Variants in PTGER3 observed in about 807,000 individuals in gnomAD.
The protein encoded by PTGER3 is prostaglandin E2 receptor EP3 subtype.
PTGER3 carries 22 observed loss-of-function variants against 34.7 expected under a neutral mutation model. The observed-to-expected ratio is 0.63, with a 90% confidence interval of 0.45 to 0.91. The LOEUF (loss-of-function observed/expected upper bound fraction) is 0.91. PTGER3 is among the 40% of genes least tolerant of loss of function. The pLI, the probability that PTGER3 is intolerant of heterozygous loss-of-function variation, is 0.00. For missense variants in PTGER3, 468 were observed against 519.4 expected (o/e 0.90, Z 0.96); for synonymous variants, 241 against 230.1 (o/e 1.05, Z -0.43).
At chr1:70,894,309 CAAAAAA>C (rs35974984) in intron 4 of PTGER3, among the ~76,000 whole-genome samples, 475 of 46,722 alleles carry the variant, frequency 0.01, 2 homozygotes, top group Admixed American at 0.025. Context: ...AACTCCATCT[CAAAAAA>C]AAAAAAAAAA....
intron 1 of PTGER3, among the ~76,000 whole-genome samples, chr1:71,033,355 C>G (rs1176318814): frequency 6.6e-6 from 1 of 152,210 alleles, no homozygotes; most frequent in Admixed American, 6.5e-5. Context: ...CAGCCTTCTA[C>G]CTGGTGTCCC....
At chr1:70,914,038 G>A (rs1259260027) in intron 4 of PTGER3, among the ~76,000 whole-genome samples, 1 of 151,622 alleles carries the variant, frequency 6.6e-6, no homozygotes, top group East Asian at 1.9e-4. Context: ...TCAATATTTT[G>A]TTTACTTGAC....
At chr1:71,023,966 G>A (rs907085880) in intron 1 of PTGER3, among the ~76,000 whole-genome samples, 4 of 151,718 alleles carry the variant, frequency 2.6e-5, no homozygotes, top group South Asian at 4.1e-4. Flanking sequence ...CCATGCTGCT[G>A]CTTAAAAAAG....
intron 4 of PTGER3, among the ~76,000 whole-genome samples, chr1:70,859,156 A>T (rs1215996064): frequency 6.6e-6 from 1 of 152,170 alleles, no homozygotes; most frequent in African/African-American, 2.4e-5. Context: ...CCACTGTGAG[A>T]TGCTCCTATT....
At chr1:70,894,007 T>C (rs1489731002) in intron 4 of PTGER3, among the ~76,000 whole-genome samples, 7 of 152,142 alleles carry the variant, frequency 4.6e-5, no homozygotes, top group Admixed American at 1.3e-4. Context: ...TGAAAAATAA[T>C]CTTTTAAAGT....
chr1:70,956,347 A>G (rs1195766630), intron 2 of PTGER3, among the ~76,000 whole-genome samples: 2 of 150,766 alleles, frequency 1.3e-5, no homozygotes, highest in Non-Finnish European at 2.9e-5. Context: ...TGTTGATACA[A>G]AAAGAACTTT....
downstream of PTGER3, chr1:70,950,666 A>G (rs1038959884): frequency 5.3e-5 from 8 of 152,330 alleles, no homozygotes; most frequent in East Asian, 1.5e-3. Flanking sequence ...CCTTTTAGAT[A>G]TAATACCCAA....
chr1:70,855,065 G>C (rs1044430477), intron 4 of PTGER3, among the ~76,000 whole-genome samples: 5 of 152,160 alleles, frequency 3.3e-5, no homozygotes, highest in African/African-American at 1.2e-4. Flanking sequence ...AGAGGTGAAA[G>C]CAACCCAAAT....
At chr1:70,973,320 G>T (rs1224299987) in intron 3 of PTGER3, among the ~76,000 whole-genome samples, 2 of 151,920 alleles carry the variant, frequency 1.3e-5, no homozygotes, top group Admixed American at 1.3e-4. Flanking sequence ...TTATAAATGT[G>T]AGTTGAGTAA....
intron 1 of PTGER3, among the ~76,000 whole-genome samples, chr1:71,044,732 C>A (rs1660608968): frequency 6.6e-6 from 1 of 152,048 alleles, no homozygotes; most frequent in Admixed American, 6.6e-5. Context: ...CACTACATGG[C>A]TTCGCTTTGA....
At chr1:71,026,997 T>C (rs970216983) in intron 1 of PTGER3, among the ~76,000 whole-genome samples, 2 of 152,136 alleles carry the variant, frequency 1.3e-5, no homozygotes, top group African/African-American at 2.4e-5. Flanking sequence ...CCCAACACCA[T>C]TGACTCCCTC....
intron 4 of PTGER3, chr1:70,865,930 T>C (rs892306054): frequency 1.5e-6 from 1 of 649,760 alleles, no homozygotes; most frequent in Non-Finnish European, 2.3e-6. Context: ...TTTCCTGGAC[T>C]GTCATCCGGG....
chr1:71,008,728 T>G, intron 2 of PTGER3: 1 of 979,388 alleles, frequency 1.0e-6, no homozygotes, highest in South Asian at 4.7e-5. Context: ...TTTAACAGAT[T>G]TTGAGATATG....
At chr1:70,881,742 T>C (rs1646394999) in intron 4 of PTGER3, among the ~76,000 whole-genome samples, 1 of 152,184 alleles carries the variant, frequency 6.6e-6, no homozygotes, top group African/African-American at 2.4e-5. Context: ...TTTTGTTGGG[T>C]GTTCTGGTCC....
At chr1:70,968,149 A>C (rs970217258), downstream of PTGER3, among the ~76,000 whole-genome samples, 6 of 152,208 alleles carry the variant, frequency 3.9e-5, no homozygotes, top group South Asian at 6.2e-4. Flanking sequence ...ATGCTGAATG[A>C]AAGCACTAAT....
chr1:70,923,954 T>C (rs1175340675), intron 4 of PTGER3, among the ~76,000 whole-genome samples: 1 of 152,140 alleles, frequency 6.6e-6, no homozygotes, highest in Non-Finnish European at 1.5e-5. Flanking sequence ...CTTTAAGAAA[T>C]CAAATTTGAC....
At chr1:70,957,132 C>T (rs183158227) in intron 2 of PTGER3, among the ~76,000 whole-genome samples, 1 of 152,286 alleles carries the variant, frequency 6.6e-6, no homozygotes, top group East Asian at 1.9e-4. Context: ...AACTATTAAC[C>T]TCTGTTTTCG....
intron 2 of PTGER3, chr1:71,008,508 T>C (rs1163848030): frequency 3.2e-6 from 3 of 933,940 alleles, no homozygotes; most frequent in Non-Finnish European, 3.8e-6. Context: ...CCTAGTTAGT[T>C]TCCTTACAAT....
intron 2 of PTGER3, among the ~76,000 whole-genome samples, chr1:70,958,928 G>A (rs900890910): frequency 2.0e-5 from 3 of 152,094 alleles, no homozygotes; most frequent in Non-Finnish European, 2.9e-5. Flanking sequence ...ATTTATTGAA[G>A]AGATTGTCCT....
Sources: allele counts gnomAD v4.1 joint callset (sites outside exome capture counted in the v4.1 genomes callset), GRCh38; gene constraint gnomAD v4.1.1; transcripts MANE v1.5; gene names NCBI Gene and HGNC (gene_info 2026-07-23, HGNC 2026-07-21).